RORA: variants seen among roughly 807,000 people sequenced by gnomAD.
RORA encodes nuclear receptor ROR-alpha.
Under a neutral mutation model 69.5 loss-of-function variants are expected in RORA, and 7 were observed. The ratio of observed to expected loss-of-function variants is 0.10; its 90% CI spans 0.06 to 0.19. RORA has a LOEUF of 0.19. Ranked by LOEUF, RORA falls within the 10% of genes least tolerant of loss-of-function variation. The pLI is 1.00. For synonymous variants in RORA, 261 were observed against 240.8 expected, an observed-to-expected ratio of 1.08 and a Z score of -0.78; for missense variants, 457 against 663.0, an observed-to-expected ratio of 0.69 and a Z score of 3.41.
chr15:61,199,810 A>G (rs1288536403), intron 1 of RORA, among the ~76,000 whole-genome samples: 1 of 152,230 alleles, frequency 6.6e-6, no homozygotes. Context: ...CAGGCTGACA[A>G]TGGCATATAC....
At chr15:60,958,236 A>G (rs1353844181) in intron 1 of RORA, among the ~76,000 whole-genome samples, 1 of 152,184 alleles carries the variant, frequency 6.6e-6, no homozygotes, top group Non-Finnish European at 1.5e-5. Flanking sequence ...TTCATATTGG[A>G]TTAAACACCA....
rs2065050830 is a variant in RORA, at chr15:60,492,062, AGAGAG to A, written c.*5388_*5392del. 7.0e-6 allele frequency: 1 copy of A among 143,624 alleles called. No individual in the cohort carries two copies. Among genetic ancestry groups the A allele is most frequent in the East Asian group, 1.9e-4 (1 of 5,184 alleles). 8.9% of individuals were successfully genotyped at this position (143,624 alleles called of 1,614,324 possible). ...TATACACACATATACAAATACACAT[AGAGAG>A]GAGAGATTTCTACCATTTTCCATAT... is the stretch of plus-strand genomic sequence containing the variant. On this transcript the variant is annotated 3_prime_UTR_variant, in exon 11 of 11. Coordinates refer to ENST00000335670, the MANE Select transcript of RORA (RefSeq NM_134261.3).
intron 1 of RORA, among the ~76,000 whole-genome samples, chr15:61,042,967 A>T (rs1896854925): frequency 6.6e-6 from 1 of 152,228 alleles, no homozygotes; most frequent in South Asian, 2.1e-4. Context: ...GTTTATGCAT[A>T]TCCTTCATCC....
rs942567498 is a variant in RORA, at chr15:60,493,391, TA to T, written c.*4063del. On this transcript the variant is annotated 3_prime_UTR_variant, in exon 11 of 11. Coordinates refer to ENST00000335670, the MANE Select transcript of RORA (RefSeq NM_134261.3). ...AAGGTACACCCGCAAGTGCTCTATGTACATATTGCACTAGAGAGGAATGAAG... is the reference window on the plus strand; with the variant it reads ...AAGGTACACCCGCAAGTGCTCTATGTCATATTGCACTAGAGAGGAATGAAG... 26 of 152,198 alleles carry T rather than the reference TA, an allele frequency of 1.7e-4. No individual in the cohort carries two copies. The highest frequency in any genetic ancestry group is 5.1e-4 in the African/African-American group (21 of 41,442). The allele number at this position is 152,198 out of a possible 1,614,324, so 9.4% of individuals were successfully genotyped here.
At chr15:61,091,717 C>T (rs1027299572) in intron 1 of RORA, among the ~76,000 whole-genome samples, 1 of 152,184 alleles carries the variant, frequency 6.6e-6, no homozygotes, top group South Asian at 2.1e-4. Flanking sequence ...AAGGTAGACT[C>T]GACATACCTT....
intron 1 of RORA, among the ~76,000 whole-genome samples, chr15:60,830,186 T>G (rs1287199322): frequency 6.6e-6 from 1 of 152,218 alleles, no homozygotes; most frequent in African/African-American, 2.4e-5. Context: ...AAAACTTTAT[T>G]TATAATTGTA....
At chr15:60,853,409 C>T (rs139835567) in intron 1 of RORA, among the ~76,000 whole-genome samples, 6 of 152,260 alleles carry the variant, frequency 3.9e-5, no homozygotes, top group African/African-American at 1.4e-4. Flanking sequence ...ACCTTTTCCG[C>T]CATCTCTCTT....
At chr15:60,505,044 A>G (rs775592975) in intron 6 of RORA, among the ~76,000 whole-genome samples, 23 of 152,224 alleles carry the variant, frequency 1.5e-4, no homozygotes, top group Non-Finnish European at 2.6e-4. Context: ...TCATATTGCT[A>G]GGTTCAGACT....
At chr15:60,885,884 C>T (rs1188745825) in intron 1 of RORA, among the ~76,000 whole-genome samples, 2 of 152,208 alleles carry the variant, frequency 1.3e-5, no homozygotes, top group African/African-American at 2.4e-5. Context: ...ATGTGAAGCA[C>T]GGAGCTCAGG....
chr15:60,819,340 A>G (rs770369700), intron 1 of RORA, among the ~76,000 whole-genome samples: 3 of 152,228 alleles, frequency 2.0e-5, no homozygotes, highest in Non-Finnish European at 2.9e-5. Context: ...ACAGACACAC[A>G]TCCGCTATGG....
At chr15:60,737,861 G>C (rs923283670) in intron 1 of RORA, among the ~76,000 whole-genome samples, 9 of 152,216 alleles carry the variant, frequency 5.9e-5, no homozygotes, top group African/African-American at 2.2e-4. Context: ...AATTTGTCAA[G>C]AGCTGCTCCT....
At chr15:61,207,323 T>C (rs2079951712) in intron 1 of RORA, among the ~76,000 whole-genome samples, 1 of 152,172 alleles carries the variant, frequency 6.6e-6, no homozygotes, top group Non-Finnish European at 1.5e-5. Flanking sequence ...TCCAGGAAGT[T>C]AAATGGACCT....
At chr15:61,029,852 G>A (rs1021045082) in intron 1 of RORA, among the ~76,000 whole-genome samples, 1 of 152,178 alleles carries the variant, frequency 6.6e-6, no homozygotes, top group Non-Finnish European at 1.5e-5. Context: ...AGGGCCACGA[G>A]GAAGACAGTG....
chr15:60,603,571 G>A (rs966304016), intron 2 of RORA, among the ~76,000 whole-genome samples: 32 of 152,182 alleles, frequency 2.1e-4, no homozygotes, highest in Admixed American at 2.1e-3. Flanking sequence ...GTGAGTCTGT[G>A]CTCATAACTT....
At chr15:60,781,995 C>T (rs1056618474) in intron 1 of RORA, among the ~76,000 whole-genome samples, 1 of 152,098 alleles carries the variant, frequency 6.6e-6, no homozygotes, top group Non-Finnish European at 1.5e-5. Context: ...GGGAGGCCGA[C>T]GAGGGCGGAT....
intron 3 of RORA, among the ~76,000 whole-genome samples, chr15:60,517,812 C>G (rs2066016070): frequency 6.6e-6 from 1 of 152,162 alleles, no homozygotes; most frequent in Admixed American, 6.5e-5. Context: ...TCACATTAAG[C>G]CTGCTACAGT....
intron 1 of RORA, among the ~76,000 whole-genome samples, chr15:61,143,526 T>C (rs1449752002): frequency 6.6e-6 from 1 of 152,226 alleles, no homozygotes; most frequent in Non-Finnish European, 1.5e-5. Flanking sequence ...TATTGGCTAT[T>C]AAGACATACA....
chr15:60,527,481 C>G (rs1041155909), intron 3 of RORA, among the ~76,000 whole-genome samples: 1 of 152,332 alleles, frequency 6.6e-6, no homozygotes, highest in South Asian at 2.1e-4. Context: ...GCATGGGGCA[C>G]GACCTGCCCC....
chr15:60,792,020 C>G (rs1205256964), intron 1 of RORA, among the ~76,000 whole-genome samples: 2 of 151,274 alleles, frequency 1.3e-5, no homozygotes, highest in Admixed American at 1.3e-4. Flanking sequence ...TTTAAAGAAG[C>G]CATTATAAAT....
Sources: allele counts gnomAD v4.1 joint callset (sites outside exome capture counted in the v4.1 genomes callset), GRCh38; gene constraint gnomAD v4.1.1; transcripts MANE v1.5; gene names NCBI Gene and HGNC (gene_info 2026-07-23, HGNC 2026-07-21).